CTNNA3: variants seen among roughly 807,000 people sequenced by gnomAD.
The protein encoded by CTNNA3 is catenin alpha 3, also known as catenin alpha-3.
A neutral mutation model predicts 95.7 loss-of-function variants in CTNNA3; 76 were observed. That is an observed-to-expected ratio of 0.79 (90% CI 0.66 to 0.96). CTNNA3 has a LOEUF of 0.96. Ranked by LOEUF, CTNNA3 falls within the 40% of genes least tolerant of loss-of-function variation. CTNNA3 has a pLI of 0.00. For synonymous variants in CTNNA3, 431 were observed against 374.4 expected, an observed-to-expected ratio of 1.15 and a Z score of -1.74; for missense variants, 1,191 against 1,089.8, an observed-to-expected ratio of 1.09 and a Z score of -1.31.
At chr10:67,670,621 C>G (rs1476192759) in intron 1 of CTNNA3, among the ~76,000 whole-genome samples, 1 of 152,174 alleles carries the variant, frequency 6.6e-6, no homozygotes. Flanking sequence ...CCCACACACA[C>G]ACATCCCAAG....
chr10:67,476,033 A>G (rs1847996819), intron 5 of CTNNA3, among the ~76,000 whole-genome samples: 2 of 152,252 alleles, frequency 1.3e-5, no homozygotes, highest in Non-Finnish European at 2.9e-5. Flanking sequence ...GATTGTAATC[A>G]TTATATTCAA....
chr10:66,111,730 C>T (rs3858140), intron 13 of CTNNA3, among the ~76,000 whole-genome samples: 95,364 of 151,950 alleles, frequency 0.63, 30,645 homozygotes, highest in South Asian at 0.76. Flanking sequence ...AAGAGAGGAA[C>T]GAGTGTAAAG....
chr10:67,524,976 C>A (rs2133167514), intron 4 of CTNNA3, among the ~76,000 whole-genome samples: 1 of 152,210 alleles, frequency 6.6e-6, no homozygotes, highest in African/African-American at 2.4e-5. Flanking sequence ...TGATAATTTT[C>A]TTATATTGAT....
intron 7 of CTNNA3, among the ~76,000 whole-genome samples, chr10:67,000,965 A>G (rs2132983728): frequency 6.6e-6 from 1 of 152,272 alleles, no homozygotes; most frequent in Non-Finnish European, 1.5e-5. Flanking sequence ...AAAATGCGAA[A>G]GTAGAGAGAG....
intron 3 of CTNNA3, among the ~76,000 whole-genome samples, chr10:67,554,616 G>A (rs541782543): frequency 7.0e-4 from 107 of 152,134 alleles, no homozygotes; most frequent in African/African-American, 2.5e-3. Context: ...TTTTTTTCTT[G>A]TAAATTTGTT....
At chr10:67,582,752 G>T (rs1022994155) in intron 3 of CTNNA3, among the ~76,000 whole-genome samples, 1 of 152,068 alleles carries the variant, frequency 6.6e-6, no homozygotes, top group African/African-American at 2.4e-5. Context: ...CCTGTATTTG[G>T]TGCATGTATA....
intron 7 of CTNNA3, among the ~76,000 whole-genome samples, chr10:67,160,612 TTTTTTGTAGAAACGGGGTTTTGCC>T (rs1861497133): frequency 6.6e-6 from 1 of 151,942 alleles, no homozygotes; most frequent in South Asian, 2.1e-4. Flanking sequence ...AATTTTTATA[TTTTTTGTAGAAACGGGGTTTTGCC>T]ATGTTCCCCA....
intron 7 of CTNNA3, among the ~76,000 whole-genome samples, chr10:66,789,328 C>T (rs1840878018): frequency 6.6e-6 from 1 of 151,994 alleles, no homozygotes; most frequent in African/African-American, 2.4e-5. Context: ...GCATGCATCA[C>T]CACGCCCGGC....
At chr10:67,097,731 G>A in intron 7 of CTNNA3, 1 of 1,612,642 alleles carries the variant, frequency 6.2e-7, no homozygotes, top group Non-Finnish European at 8.5e-7. Context: ...CCTAGAGACT[G>A]AGCTGGACCT....
intron 2 of CTNNA3, among the ~76,000 whole-genome samples, chr10:67,617,106 GT>G (rs1318906186): frequency 3.9e-5 from 6 of 152,118 alleles, no homozygotes; most frequent in Non-Finnish European, 7.4e-5. Flanking sequence ...AAATTTAATA[GT>G]TGTTTTTTAA....
chr10:66,607,553 C>T (rs1238251625), intron 10 of CTNNA3, among the ~76,000 whole-genome samples: 1 of 147,376 alleles, frequency 6.8e-6, no homozygotes, highest in Non-Finnish European at 1.5e-5. Flanking sequence ...AGGTAGAAAT[C>T]CTCAACAAAA....
chr10:66,238,819 G>T (rs147655256), intron 13 of CTNNA3, among the ~76,000 whole-genome samples: 1 of 151,876 alleles, frequency 6.6e-6, no homozygotes, highest in Admixed American at 6.6e-5. Context: ...TTATAAACAT[G>T]CATTACTGGA....
Position 67,284,882 on chromosome 10 carries a change from T to C in CTNNA3, c.580-65012A>G, listed in dbSNP as rs572890855. ...ATAGCTCAGAGAAGTCTAAGCTATG[T>C]GAGGAATACAAAATTTATCAAGCCT... On this transcript the variant is annotated intron_variant, in intron 5 of 17. Transcript: ENST00000433211. Among the ~76,000 whole-genome samples, 13 of 152,288 alleles carry C rather than the reference T, an allele frequency of 8.5e-5. No individual in the cohort carries two copies. The East Asian group carries it at 2.3e-3, about 27-fold the overall frequency.
At chr10:66,249,348 C>T (rs377332840) in intron 13 of CTNNA3, among the ~76,000 whole-genome samples, 73 of 151,994 alleles carry the variant, frequency 4.8e-4, no homozygotes, top group African/African-American at 1.2e-3. Flanking sequence ...CCACAGAATG[C>T]GATAAAATAT....
chr10:67,205,686 A>G (rs1863865190), intron 6 of CTNNA3, among the ~76,000 whole-genome samples: 1 of 152,206 alleles, frequency 6.6e-6, no homozygotes, highest in Admixed American at 6.5e-5. Context: ...TCACACTTGT[A>G]TATACAGAAC....
At chr10:66,130,259 G>A (rs1276144973) in intron 13 of CTNNA3, among the ~76,000 whole-genome samples, 1 of 152,154 alleles carries the variant, frequency 6.6e-6, no homozygotes, top group Non-Finnish European at 1.5e-5. Flanking sequence ...ACATCAAAAA[G>A]TTAGAAAGAT....
intron 9 of CTNNA3, among the ~76,000 whole-genome samples, chr10:66,693,933 A>G (rs1847657977): frequency 6.6e-6 from 1 of 152,140 alleles, no homozygotes; most frequent in African/African-American, 2.4e-5. Context: ...GACACAACAT[A>G]CCAGAATCTC....
At chr10:67,335,266 C>A (rs1841955150) in intron 5 of CTNNA3, among the ~76,000 whole-genome samples, 1 of 152,134 alleles carries the variant, frequency 6.6e-6, no homozygotes, top group African/African-American at 2.4e-5. Context: ...GAATGGAGTC[C>A]TGTCAAGGGC....
chr10:67,207,614 T>C (rs779985226), intron 6 of CTNNA3, among the ~76,000 whole-genome samples: 5 of 152,100 alleles, frequency 3.3e-5, no homozygotes, highest in African/African-American at 4.8e-5. Flanking sequence ...TCCAAGAAGA[T>C]AAACTATTTG....
Sources: allele counts gnomAD v4.1 joint callset (sites outside exome capture counted in the v4.1 genomes callset), GRCh38; gene constraint gnomAD v4.1.1; transcripts MANE v1.5; gene names NCBI Gene and HGNC (gene_info 2026-07-23, HGNC 2026-07-21).